TTN: variants seen among roughly 807,000 people sequenced by gnomAD.
TTN encodes connectin.
In TTN, 1,525 loss-of-function variants were observed where a neutral mutation model predicts 3,223.0. The ratio of observed to expected loss-of-function variants is 0.47; its 90% CI spans 0.45 to 0.49. TTN has a LOEUF of 0.49. Ranked by LOEUF, TTN falls within the 20% of genes least tolerant of loss-of-function variation. The pLI is 0.00. For missense variants in TTN, 40,786 were observed against 43,424.0 expected (o/e 0.94, Z 5.40); for synonymous variants, 14,094 against 15,161.0 (o/e 0.93, Z 5.17).
In TTN at chr2:178,702,082, A is replaced by T. The variant is rs1553874765; in HGVS notation, c.30512-16T>A. On this transcript the variant is annotated splice_polypyrimidine_tract_variant and intron_variant, in intron 108 of 362. Transcript: ENST00000589042. Reference sequence around the variant, plus strand: ...AGTTTGATTTCTGCAAAATAAAAAAAAAATGATATTTTTGTGTTCAGAATG... The same window carrying T: ...AGTTTGATTTCTGCAAAATAAAAAATAAATGATATTTTTGTGTTCAGAATG... 3.7e-6 allele frequency: 6 copies of T among 1,612,170 alleles called. No homozygotes were observed. The Admixed American group carries it at 8.4e-5, about 22-fold the overall frequency.
rs375533809 is a variant in TTN, at chr2:178,764,560, C to T, written c.9955G>A (p.Val3319Ile). 81 of 1,614,002 alleles carry T rather than the reference C, an allele frequency of 5.0e-5. No individual in the cohort carries two copies. The highest frequency in any genetic ancestry group is 6.8e-5 in the Non-Finnish European group (80 of 1,180,012). Residue 3319 changes from valine to isoleucine, a missense_variant, in exon 42 of 363, where the codon GTT (valine) becomes ATT (isoleucine). By Grantham distance (29) the Val-to-Ile change is conservative. Transcript: ENST00000589042. Reference protein sequence around the residue: ...YTCEAKNDYGVATTSASLSVE... With the variant: ...YTCEAKNDYGIATTSASLSVE... ...GAGAGTGAAGCTGATGTTGTGGCAA[C>T]ACCATAGTCATTCTTGGCTTCACAG... is the stretch of plus-strand genomic sequence containing the variant.
Position 178,741,084 on chromosome 2 carries a change from T to C in TTN, c.12149A>G (p.Glu4050Gly). The C allele has an allele frequency of 6.2e-7, 1 of 1,613,892 alleles. No homozygotes were observed. Among genetic ancestry groups the C allele is most frequent in the Non-Finnish European group, 8.5e-7 (1 of 1,179,834 alleles). ...CKAKSTPEAP[E>G]DFPQTPLKGP... ...CTTTAAGGGTGTCTGTGGAAAATCC[T>C]CAGGAGCCTCTGGTGTGGACTTTGC... Residue 4050 changes from glutamate to glycine, a missense_variant, in exon 48 of 363, where the codon GAG becomes GGG. Coordinates refer to ENST00000589042, the MANE Select transcript of TTN (RefSeq NM_001267550.2).
intron 10 of TTN, among the ~76,000 whole-genome samples, chr2:178,791,161 G>T (rs986735047): frequency 6.6e-6 from 1 of 152,166 alleles, no homozygotes; most frequent in Non-Finnish European, 1.5e-5. Context: ...AGCTGAACTT[G>T]CCAGTCACCA....
In TTN at chr2:178,632,750, A is replaced by G; in HGVS notation, c.43256T>C (p.Val14419Ala). Reference sequence around the variant, plus strand: ...AAACTTAGCCTCATCTTTCTCGAAGACTTTAACATCACTGAGAGGTGTGAT... The same window carrying G: ...AAACTTAGCCTCATCTTTCTCGAAGGCTTTAACATCACTGAGAGGTGTGAT... ...IFITPLSDVK[V>A]FEKDEAKFEC... The change falls in exon 235 of 363, where the codon GTC (valine) becomes GCC (alanine). Residue 14419 changes from valine (V) to alanine (A), a missense_variant. By Grantham distance (64) the Val-to-Ala change is moderately conservative. Transcript: ENST00000589042. 6.2e-7 allele frequency: 1 copy of G among 1,613,196 alleles called. No homozygotes were observed. The highest frequency in any genetic ancestry group is 1.1e-5 in the South Asian group (1 of 91,062).
chr2:178,769,680 G>A lies in TTN; in HGVS notation c.8901C>T (p.Thr2967=), dbSNP rs2091174004. 6.2e-7 allele frequency: 1 copy of A among 1,611,946 alleles called. No homozygotes were observed. Among genetic ancestry groups the A allele is most frequent in the African/African-American group, 1.3e-5 (1 of 74,636 alleles). Residue 2967 remains threonine (T), a splice_region_variant and synonymous_variant, in exon 37 of 363, where the codon ACC becomes ACT. Transcript: ENST00000589042. ...ATATATATATATTTTTTAACTTACG[G>A]GTGACTGTCAGGGTGGCACTGACTT... is the stretch of plus-strand genomic sequence containing the variant. ...NDQVSATLTV[T]PIMITSMLKD...
At position 178,594,051 on chromosome 2, in the gene TTN, T is replaced by C. The variant is rs900082928; in HGVS notation, c.58342A>G (p.Lys19448Glu). 9 of 1,613,432 alleles carry C rather than the reference T, an allele frequency of 5.6e-6. No homozygotes were observed. The highest frequency in any genetic ancestry group is 5.0e-5 in the Admixed American group (3 of 59,954). ...TPATLALEKIKAKRSDSGKYC... is the reference protein window; with the variant it reads ...TPATLALEKIEAKRSDSGKYC... ...TTGCCGGAATCTGAACGTTTGGCCT[T>C]GATCTTCTCTAAAGCAAGTGTTGCT... The change falls in exon 297 of 363, where the codon AAG (lysine) becomes GAG (glutamate). Residue 19448 changes from lysine (K) to glutamate (E), a missense_variant. Lys to Glu is a moderately conservative substitution (Grantham distance 56, BLOSUM62 1). Transcript: ENST00000589042.
intron 21 of TTN, 29 bp from the exon 22 acceptor site, chr2:178,780,234 T>A: frequency 6.4e-7 from 1 of 1,568,420 alleles, no homozygotes; most frequent in Non-Finnish European, 8.8e-7. Flanking sequence ...AGTTAATTTT[T>A]AATGCTCTTA....
chr2:178,571,762 C>A lies in TTN; in HGVS notation c.74370G>T (p.Leu24790=), dbSNP rs1397817214. Residue 24790 remains leucine (L), a synonymous_variant, in exon 326 of 363, where the codon CTG becomes CTT. Coordinates refer to ENST00000589042, the MANE Select transcript of TTN (RefSeq NM_001267550.2). Reference sequence around the variant, plus strand: ...CAATAGCTTCACCAGCTGAGTTAGTCAGTTTAACCACATAATGGCCAACAT... The same window carrying A: ...CAATAGCTTCACCAGCTGAGTTAGTAAGTTTAACCACATAATGGCCAACAT... ...REDVGHYVVK[L]TNSAGEAIET... 1.9e-6 allele frequency: 3 copies of A among 1,613,240 alleles called. No individual in the cohort carries two copies. The highest frequency in any genetic ancestry group is 2.5e-6 in the Non-Finnish European group (3 of 1,179,466).
At position 178,529,132 on chromosome 2, in the gene TTN, A is replaced by G. The variant is rs55880440; in HGVS notation, c.106619T>C (p.Ile35540Thr). Residue 35540 changes from isoleucine to threonine, a missense_variant, in exon 360 of 363, where the codon ATT (isoleucine) becomes ACT (threonine). By Grantham distance (89) the Ile-to-Thr change is moderately conservative. Coordinates refer to ENST00000589042, the MANE Select transcript of TTN (RefSeq NM_001267550.2). ...TTCAGACCTTAGGGCTTTTTGGGAA[A>G]TTTCCTCTTGGACAACAGCTTTCTT... The part of the protein sequence containing the change: ...PQKKAVVQEE[I>T]SQKALRSEEI... The G allele has an allele frequency of 0.016, 24,981 of 1,587,736 alleles. 253 individuals are homozygous for G. The highest frequency in any genetic ancestry group is 0.018 in the Middle Eastern group (109 of 5,912).
chr2:178,584,937 G>A lies in TTN; in HGVS notation c.64704C>T (p.Asp21568=), dbSNP rs759009706. The A allele has an allele frequency of 1.2e-6, 2 of 1,613,252 alleles. No homozygotes were observed. The highest frequency in any genetic ancestry group is 2.2e-5 in the South Asian group (2 of 91,048). ...DAPGPPQPPF[D]ISDIDADACS... is the part of the protein sequence containing the mutation. Reference sequence around the variant, plus strand: ...AAGCATCAGCGTCTATATCAGAAATGTCAAATGGAGGCTGAGGGGGGCCGG... The same window carrying A: ...AAGCATCAGCGTCTATATCAGAAATATCAAATGGAGGCTGAGGGGGGCCGG... The change falls in exon 310 of 363, where the codon GAC becomes GAT. Residue 21568 remains aspartate (D), a synonymous_variant. Coordinates refer to ENST00000589042, the MANE Select transcript of TTN (RefSeq NM_001267550.2).
chr2:178,752,261 T>C (rs1267640126), intron 47 of TTN, among the ~76,000 whole-genome samples: 1 of 152,018 alleles, frequency 6.6e-6, no homozygotes, highest in Non-Finnish European at 1.5e-5. Flanking sequence ...TTCTTCAAAC[T>C]GTTGAAATTT....
Position 178,581,735 on chromosome 2 carries a change from C to T in TTN, c.66533G>A (p.Gly22178Asp). Residue 22178 changes from glycine (G) to aspartate (D), a missense_variant, in exon 316 of 363, where the codon GGC (glycine) becomes GAC (aspartate). Transcript: ENST00000589042. The stretch of plus-strand genomic sequence containing the variant: ...GCTGCCGCCGTCATAGGCTGGCTTG[C>T]CCCAAGATAGACTCACAGAGCTGCG... ...TTRSSVSLSW[G>D]KPAYDGGSPI... 1.2e-6 allele frequency: 2 copies of T among 1,608,772 alleles called. No individual in the cohort carries two copies. The highest frequency in any genetic ancestry group is 1.7e-6 in the Non-Finnish European group (2 of 1,177,414).
At position 178,619,218 on chromosome 2, in the gene TTN, G is replaced by A; in HGVS notation, c.46697-365C>T. On this transcript the variant is annotated intron_variant, in intron 250 of 362. Transcript: ENST00000589042. ...AGAAACTTTTTTCTTATGAATGAGA[G>A]GTACACTAATGGCTTTTTCATAAGG... 8.4e-6 allele frequency: 3 copies of A among 355,890 alleles called. No homozygotes were observed. In the South Asian group the frequency reaches 1.0e-4, roughly 12 times the overall value. The allele number at this position is 355,890 out of a possible 1,614,324, so 22.0% of individuals were successfully genotyped here.
Position 178,537,038 on chromosome 2 carries a change from T to C in TTN, c.100071A>G (p.Thr33357=). ...SVTTCRIVNL[T]ENAGYYFRVS... ...CCCGGAAGTAATAGCCAGCATTTTC[T>C]GTGAGGTTCACAATTCTACAGGTTG... The change falls in exon 356 of 363, where the codon ACA becomes ACG. Residue 33357 remains threonine, a synonymous_variant. Transcript: ENST00000589042. 1 of 1,613,320 alleles carries C rather than the reference T, an allele frequency of 6.2e-7. No individual in the cohort carries two copies. Among genetic ancestry groups the C allele is most frequent in the Non-Finnish European group, 8.5e-7 (1 of 1,179,582 alleles).
chr2:178,651,385 A>G, intron 207 of TTN, 65 bp from the exon 208 acceptor site: 1 of 1,604,188 alleles, frequency 6.2e-7, no homozygotes, highest in South Asian at 1.1e-5. Context: ...ACATTTACAC[A>G]GAACAAAACC....
At position 178,575,885 on chromosome 2, in the gene TTN, G is replaced by T. The variant is rs762398059; in HGVS notation, c.70247C>A (p.Thr23416Asn). Residue 23416 changes from threonine (T) to asparagine (N), a missense_variant, in exon 326 of 363, where the codon ACC (threonine) becomes AAC (asparagine). By Grantham distance (65) the Thr-to-Asn change is moderately conservative. Transcript: ENST00000589042. The surrounding 1 kb of genome is among the most constrained non-coding windows in gnomAD (Gnocchi z 4.0). ...NRYDTGKFVM[T>N]IENPAGKKSG... Reference sequence around the variant, plus strand: ...TTTCTTCCCAGCCGGGTTTTCAATGGTCATGACAAATTTACCGGTATCATA... The same window carrying T: ...TTTCTTCCCAGCCGGGTTTTCAATGTTCATGACAAATTTACCGGTATCATA... 6.2e-7 allele frequency: 1 copy of T among 1,613,498 alleles called. No homozygotes were observed. The highest frequency in any genetic ancestry group is 1.7e-5 in the Admixed American group (1 of 59,996).
rs770337095 is a variant in TTN at position 178,538,586 on chromosome 2, C to T, written c.99243G>A (p.Leu33081=). Residue 33081 remains leucine, a synonymous_variant, in exon 354 of 363, where the codon CTG becomes CTA. Transcript: ENST00000589042. Reference sequence around the variant, plus strand: ...ACATAGCAGTTCTGCGAGGTCTGCTCAGCCCAGTCTCATTCTCAGCAAAAA... The same window carrying T: ...ACATAGCAGTTCTGCGAGGTCTGCTTAGCCCAGTCTCATTCTCAGCAAAAA... ...FRVFAENETG[L]SRPRRTAMSI... 3 of 1,613,552 alleles carry T rather than the reference C, an allele frequency of 1.9e-6. No homozygotes were observed. Among genetic ancestry groups the T allele is most frequent in the Non-Finnish European group, 1.7e-6 (2 of 1,179,652 alleles).
chr2:178,789,224 A>G, intron 13 of TTN, 136 bp downstream of exon 13: 1 of 1,146,882 alleles, frequency 8.7e-7, no homozygotes, highest in Non-Finnish European at 1.3e-6. Flanking sequence ...TCTAAAAAAT[A>G]AATTTGGTTA....
Position 178,557,264 on chromosome 2 carries a change from A to G in TTN, c.87998T>C (p.Ile29333Thr), listed in dbSNP as rs764532002. ...TGACAAATACGTACCACAAGCATCAATTGCCAAGACTGGTTCAGAAGGATG... is the reference window on the plus strand; with the variant it reads ...TGACAAATACGTACCACAAGCATCAGTTGCCAAGACTGGTTCAGAAGGATG... ...PSHPSEPVLA[I>T]DACEPPRNVR... Residue 29333 changes from isoleucine (I) to threonine (T), a missense_variant, in exon 329 of 363, where the codon ATT becomes ACT. By Grantham distance (89) the Ile-to-Thr change is moderately conservative (BLOSUM62 -1). Coordinates refer to ENST00000589042, the MANE Select transcript of TTN (RefSeq NM_001267550.2). 20 of 1,613,756 alleles carry G rather than the reference A, an allele frequency of 1.2e-5. No homozygotes were observed. Among genetic ancestry groups the G allele is most frequent in the South Asian group, 4.4e-5 (4 of 91,080 alleles).
Sources: gnomAD v4.1 joint callset for allele counts (sites outside exome capture counted in the v4.1 genomes callset) on GRCh38, gnomAD v4.1.1 for gene constraint, Gnocchi (gnomAD v3.1) non-coding constraint, MANE v1.5 for transcripts, NCBI Gene and HGNC (gene_info 2026-07-23, HGNC 2026-07-21) for gene names.